The following USP32 variants were observed in gnomAD, a reference collection of about 807,000 sequenced individuals.
USP32 encodes the protein ubiquitin specific peptidase 32, also known as ubiquitin carboxyl-terminal hydrolase 32.
In USP32, 59 loss-of-function variants were observed where a neutral mutation model predicts 204.8. That is an observed-to-expected ratio of 0.29 (90% CI 0.23 to 0.36). The LOEUF (loss-of-function observed/expected upper bound fraction) is 0.36. Ranked by LOEUF, USP32 falls within the 10% of genes least tolerant of loss-of-function variation. USP32 has a pLI of 1.00. For synonymous variants in USP32, 517 were observed against 678.4 expected, an observed-to-expected ratio of 0.76 and a Z score of 3.70; for missense variants, 1,160 against 1,946.4, an observed-to-expected ratio of 0.60 and a Z score of 7.60.
chr17:60,404,351 A>C (rs2089959492), intron 1 of USP32, among the ~76,000 whole-genome samples: 1 of 152,150 alleles, frequency 6.6e-6, no homozygotes, highest in African/African-American at 2.4e-5. Context: ...GCTTGAAATT[A>C]TTTCCAAATA....
At chr17:60,297,471 CAG>C (rs2087461762) in intron 3 of USP32, among the ~76,000 whole-genome samples, 2 of 149,094 alleles carry the variant, frequency 1.3e-5, no homozygotes, top group African/African-American at 5.0e-5. Flanking sequence ...CTTTTTGAGA[CAG>C]AGTCTTGCCC....
At chr17:60,195,135 G>C (rs543168228) in intron 27 of USP32, among the ~76,000 whole-genome samples, 1 of 152,102 alleles carries the variant, frequency 6.6e-6, no homozygotes, top group Admixed American at 6.5e-5. Flanking sequence ...TTTAATGTCC[G>C]AAGGACATAA....
At chr17:60,374,913 C>T (rs2146097963) in intron 1 of USP32, among the ~76,000 whole-genome samples, 1 of 152,154 alleles carries the variant, frequency 6.6e-6, no homozygotes, top group South Asian at 2.1e-4. Context: ...ATAACATGGA[C>T]AGAAACAGAC....
At chr17:60,351,198 C>G (rs1416382812) in intron 1 of USP32, among the ~76,000 whole-genome samples, 1 of 152,054 alleles carries the variant, frequency 6.6e-6, no homozygotes, top group Non-Finnish European at 1.5e-5. Context: ...TAGTTAGACT[C>G]TCTGGACCCT....
intron 30 of USP32, 65 bp from the exon 31 acceptor site, chr17:60,183,518 A>G: frequency 6.7e-7 from 1 of 1,502,442 alleles, no homozygotes; most frequent in Non-Finnish European, 8.9e-7. Flanking sequence ...TTTACATGGA[A>G]AAAACAAGTC....
At chr17:60,276,929 A>G (rs761196336) in intron 5 of USP32, among the ~76,000 whole-genome samples, 19 of 146,906 alleles carry the variant, frequency 1.3e-4, no homozygotes, top group Non-Finnish European at 2.1e-4. Flanking sequence ...AAAGCAAGCT[A>G]AAGTAGATTA....
chr17:60,180,086 C>T (rs62083730), intron 33 of USP32, among the ~76,000 whole-genome samples: 5,158 of 150,486 alleles, frequency 0.034, 141 homozygotes, highest in South Asian at 0.073. Context: ...AGTGCAGTGG[C>T]GCAGTCTTGG....
At chr17:60,221,952 A>T (rs1419065581) in intron 15 of USP32, among the ~76,000 whole-genome samples, 1 of 152,210 alleles carries the variant, frequency 6.6e-6, no homozygotes, top group Non-Finnish European at 1.5e-5. Flanking sequence ...TTCTGTTATC[A>T]TATGTTGTGA....
At chr17:60,330,439 C>CTTTCT (rs2088351090) in intron 2 of USP32, among the ~76,000 whole-genome samples, 1 of 151,802 alleles carries the variant, frequency 6.6e-6, no homozygotes, top group Non-Finnish European at 1.5e-5. Context: ...ACTTAGATTT[C>CTTTCT]TTTCTTTTCT....
At chr17:60,270,046 A>G (rs1472297911) in intron 6 of USP32, among the ~76,000 whole-genome samples, 1 of 152,232 alleles carries the variant, frequency 6.6e-6, no homozygotes, top group African/African-American at 2.4e-5. Flanking sequence ...ATGCAACATA[A>G]GAGAAAGAAA....
At chr17:60,413,861 C>CAAAAAAAAAAAAAAAAAAA (rs1307789444) in intron 1 of USP32, among the ~76,000 whole-genome samples, 1 of 31,698 alleles carries the variant, frequency 3.2e-5, no homozygotes, top group African/African-American at 1.2e-4. Context: ...GATTCTGTCT[C>CAAAAAAAAAAAAAAAAAAA]AAAAAAAAAA....
At chr17:60,267,237 C>T (rs966196056) in intron 7 of USP32, among the ~76,000 whole-genome samples, 4 of 151,922 alleles carry the variant, frequency 2.6e-5, no homozygotes, top group African/African-American at 4.8e-5. Flanking sequence ...GAAATCCCGT[C>T]GCTACTAAAA....
intron 1 of USP32, among the ~76,000 whole-genome samples, chr17:60,349,018 G>A (rs1348739616): frequency 6.6e-6 from 1 of 151,982 alleles, no homozygotes; most frequent in African/African-American, 2.4e-5. Flanking sequence ...TCTTCAAGAT[G>A]CCTAATTTTC....
intron 2 of USP32, among the ~76,000 whole-genome samples, chr17:60,341,102 A>G (rs1394753172): frequency 3.3e-5 from 5 of 151,694 alleles, no homozygotes; most frequent in Non-Finnish European, 7.4e-5. Flanking sequence ...TGCCCTTAAC[A>G]TTTTTTCCTT....
At chr17:60,263,434 C>A (rs2086505409) in intron 9 of USP32, among the ~76,000 whole-genome samples, 1 of 152,188 alleles carries the variant, frequency 6.6e-6, no homozygotes, top group African/African-American at 2.4e-5. Context: ...ACAATCTAGT[C>A]ACCAGCGAAT....
At chr17:60,243,294 T>A (rs2085926232) in intron 11 of USP32, among the ~76,000 whole-genome samples, 1 of 152,252 alleles carries the variant, frequency 6.6e-6, no homozygotes, top group African/African-American at 2.4e-5. Context: ...CATAGGATCA[T>A]GTTATCTGCA....
At chr17:60,215,385 T>A (rs2085075427) in intron 16 of USP32, among the ~76,000 whole-genome samples, 1 of 151,668 alleles carries the variant, frequency 6.6e-6, no homozygotes, top group Non-Finnish European at 1.5e-5. Context: ...AGTAGGAACA[T>A]GCCAGAAAAC....
chr17:60,180,873 T>C (rs1387033705), intron 32 of USP32, among the ~76,000 whole-genome samples: 1 of 141,196 alleles, frequency 7.1e-6, no homozygotes, highest in Non-Finnish European at 1.5e-5. Flanking sequence ...ATTACTATTA[T>C]TATTATTATT....
intron 1 of USP32, among the ~76,000 whole-genome samples, chr17:60,391,382 G>A (rs1259114235): frequency 6.6e-6 from 1 of 152,206 alleles, no homozygotes; most frequent in African/African-American, 2.4e-5. Flanking sequence ...TAGGCTCTGG[G>A]AAAAGGCAGG....
Sources: gnomAD v4.1 joint callset for allele counts (sites outside exome capture counted in the v4.1 genomes callset) on GRCh38, gnomAD v4.1.1 for gene constraint, MANE v1.5 for transcripts, NCBI Gene and HGNC (gene_info 2026-07-23, HGNC 2026-07-21) for gene names.